The following ADAMTSL1 variants were observed in gnomAD, a reference collection of about 807,000 sequenced individuals.
The protein encoded by ADAMTSL1 is ADAMTS-like protein 1.
ADAMTSL1 carries 126 observed loss-of-function variants against 201.8 expected under a neutral mutation model. That is an observed-to-expected ratio of 0.62 (90% CI 0.54 to 0.72). The LOEUF is 0.72. Among genes scored for constraint, ADAMTSL1 ranks in the 30% least tolerant of loss-of-function variants. ADAMTSL1 has a pLI of 0.00. For synonymous variants in ADAMTSL1, 1,121 were observed against 903.4 expected (o/e 1.24, Z -4.32); for missense variants, 2,679 against 2,277.8 (o/e 1.18, Z -3.59).
chr9:18,524,164 TG>T (rs1334439168), intron 2 of ADAMTSL1, among the ~76,000 whole-genome samples: 2 of 152,152 alleles, frequency 1.3e-5, no homozygotes, highest in Non-Finnish European at 2.9e-5. Context: ...TCACATCCCT[TG>T]TAAGTTGGAT....
At chr9:18,170,256 C>A (rs1376290238) in intron 2 of ADAMTSL1, among the ~76,000 whole-genome samples, 1 of 151,938 alleles carries the variant, frequency 6.6e-6, no homozygotes, top group South Asian at 2.1e-4. Context: ...AACTAATACT[C>A]TAAATCATTT....
At chr9:18,802,707 C>A (rs1449145962) in intron 20 of ADAMTSL1, among the ~76,000 whole-genome samples, 1 of 152,044 alleles carries the variant, frequency 6.6e-6, no homozygotes, top group East Asian at 1.9e-4. Context: ...TTTTTTATTT[C>A]TCTTGGTTAT....
chr9:17,907,372 T>A (rs1423373771), intron 1 of ADAMTSL1, among the ~76,000 whole-genome samples: 2 of 152,198 alleles, frequency 1.3e-5, no homozygotes, highest in African/African-American at 2.4e-5. Flanking sequence ...TCCGCCCTTC[T>A]GCGGACCTAG....
intron 21 of ADAMTSL1, among the ~76,000 whole-genome samples, chr9:18,820,276 C>G (rs1346353190): frequency 6.6e-6 from 1 of 152,146 alleles, no homozygotes; most frequent in African/African-American, 2.4e-5. Flanking sequence ...AAACAAGATA[C>G]AATTTTCAGG....
At chr9:17,977,328 G>A (rs1397448105) in intron 1 of ADAMTSL1, among the ~76,000 whole-genome samples, 1 of 152,032 alleles carries the variant, frequency 6.6e-6, no homozygotes, top group East Asian at 1.9e-4. Context: ...TCAGAGCAAT[G>A]CTGGCCTTAT....
intron 2 of ADAMTSL1, among the ~76,000 whole-genome samples, chr9:18,313,695 A>G (rs1834241597): frequency 6.6e-6 from 1 of 152,224 alleles, no homozygotes; most frequent in Admixed American, 6.5e-5. Context: ...CTGAAACTGT[A>G]AAACTCCTAG....
At chr9:18,422,678 C>T (rs1819014168) in intron 2 of ADAMTSL1, among the ~76,000 whole-genome samples, 1 of 152,156 alleles carries the variant, frequency 6.6e-6, no homozygotes, top group Non-Finnish European at 1.5e-5. Flanking sequence ...TTCAAGAGCC[C>T]ACTGACACAT....
At chr9:18,730,356 A>G (rs1230111723) in intron 15 of ADAMTSL1, among the ~76,000 whole-genome samples, 1 of 152,260 alleles carries the variant, frequency 6.6e-6, no homozygotes, top group Admixed American at 6.5e-5. Flanking sequence ...GGAGTGAAAA[A>G]GAGAATGCTC....
chr9:18,235,349 C>T (rs1830806909), intron 2 of ADAMTSL1, among the ~76,000 whole-genome samples: 1 of 152,178 alleles, frequency 6.6e-6, no homozygotes, highest in Non-Finnish European at 1.5e-5. Context: ...CTTCTAATCA[C>T]ATCAAAGGTA....
chr9:18,282,941 T>C, intron 2 of ADAMTSL1, among the ~76,000 whole-genome samples: 1 of 152,184 alleles, frequency 6.6e-6, no homozygotes, highest in Non-Finnish European at 1.5e-5. Context: ...TAACCTGAAG[T>C]TTTCTATACA....
rs1170584473 is a variant in ADAMTSL1, at chr9:18,694,226, T to C, written c.1574+9426T>C. On this transcript the variant is annotated intron_variant, in intron 13 of 28. Coordinates refer to ENST00000380548, the MANE Select transcript of ADAMTSL1 (RefSeq NM_001040272.6). ...TGGGGATTATAATTTGACAGGAGAT[T>C]TGGGCAAGGACACAAATCTGAGCCA... Among the ~76,000 whole-genome samples, 3 of 152,112 alleles carry C rather than the reference T, an allele frequency of 2.0e-5. No homozygotes were observed. The East Asian group carries it at 5.8e-4, about 29-fold the overall frequency.
intron 23 of ADAMTSL1, among the ~76,000 whole-genome samples, chr9:18,847,332 C>T (rs991523948): frequency 6.6e-6 from 1 of 152,186 alleles, no homozygotes; most frequent in African/African-American, 2.4e-5. Flanking sequence ...TGCACTGATA[C>T]AACAGACACA....
intron 4 of ADAMTSL1, among the ~76,000 whole-genome samples, chr9:18,577,007 A>T (rs987819121): frequency 1.3e-5 from 2 of 152,240 alleles, no homozygotes; most frequent in South Asian, 4.1e-4. Context: ...ACCATTTGGT[A>T]ATGGTCCCCA....
chr9:18,069,120 T>C (rs972195341), intron 1 of ADAMTSL1, among the ~76,000 whole-genome samples: 4 of 152,218 alleles, frequency 2.6e-5, no homozygotes, highest in African/African-American at 7.2e-5. Context: ...TGCTGACATG[T>C]AAGCTATCTG....
chr9:18,070,542 G>T (rs1822918882), intron 1 of ADAMTSL1, among the ~76,000 whole-genome samples: 1 of 152,176 alleles, frequency 6.6e-6, no homozygotes, highest in African/African-American at 2.4e-5. Context: ...CAAATTTGAG[G>T]AAGCGTTTTG....
At chr9:17,945,751 G>A (rs900783146) in intron 1 of ADAMTSL1, among the ~76,000 whole-genome samples, 9 of 146,916 alleles carry the variant, frequency 6.1e-5, no homozygotes, top group African/African-American at 2.3e-4. Flanking sequence ...TCACTCATAG[G>A]TGGGAATTGA....
intron 4 of ADAMTSL1, among the ~76,000 whole-genome samples, chr9:18,593,524 T>G (rs1824057605): frequency 6.6e-6 from 1 of 152,098 alleles, no homozygotes. Context: ...TCCTCTTTTT[T>G]GATGTAGGTG....
intron 1 of ADAMTSL1, among the ~76,000 whole-genome samples, chr9:17,955,357 G>C (rs7041611): frequency 1.3e-5 from 2 of 152,170 alleles, no homozygotes; most frequent in South Asian, 4.1e-4. Flanking sequence ...GATTTTCTTG[G>C]TTTGCTGAGG....
At chr9:18,511,132 T>C (rs13288800) in intron 2 of ADAMTSL1, among the ~76,000 whole-genome samples, 32,029 of 152,002 alleles carry the variant, frequency 0.21, 3,806 homozygotes, top group African/African-American at 0.32. Flanking sequence ...GGCAACGAGT[T>C]AGATAGCTGG....
Sources: allele counts gnomAD v4.1 joint callset (sites outside exome capture counted in the v4.1 genomes callset), GRCh38; gene constraint gnomAD v4.1.1; transcripts MANE v1.5; gene names NCBI Gene and HGNC (gene_info 2026-07-23, HGNC 2026-07-21).